Variants in DECR2 observed in about 807,000 individuals in gnomAD.
DECR2 encodes the protein 2,4-dienoyl-CoA reductase 2, also known as peroxisomal 2,4-dienoyl-CoA reductase [(3E)-enoyl-CoA-producing].
In DECR2, 34 loss-of-function variants were observed where a neutral mutation model predicts 29.2. That is an observed-to-expected ratio of 1.16 (90% CI 0.89 to 1.55). DECR2 has a LOEUF of 1.55. Among genes scored for constraint, DECR2 ranks in the 40% most tolerant of loss-of-function variants. DECR2 has a pLI of 0.00. For missense variants in DECR2, 485 were observed against 425.3 expected, an observed-to-expected ratio of 1.14 and a Z score of -1.23; for synonymous variants, 224 against 182.7, an observed-to-expected ratio of 1.23 and a Z score of -1.82.
chr16:404,816 G>A (rs2054705821), intron 1 of DECR2, 140 bp from the exon 2 acceptor site: 1 of 745,242 alleles, frequency 1.3e-6, no homozygotes. Context: ...TTTTAGTAGA[G>A]ACGAGGTTTT....
Position 407,476 on chromosome 16 carries a change from A to G in DECR2, c.253A>G (p.Met85Val), listed in dbSNP as rs1386539947. 2 of 1,613,338 alleles carry G rather than the reference A, an allele frequency of 1.2e-6. No homozygotes were observed. Among genetic ancestry groups the G allele is most frequent in the East Asian group, 2.2e-5 (1 of 44,884 alleles). The change falls in exon 4 of 9, where the codon ATG (methionine) becomes GTG (valine). Residue 85 changes from methionine (M) to valine (V), a missense_variant. Met to Val is a conservative substitution (Grantham distance 21). Transcript: ENST00000219481. ...CGGCCGGCGCTGCCTCCCTCTCTCT[A>G]TGGACGTCCGAGCGCCCCCAGCTGT... ...ATGRRCLPLS[M>V]DVRAPPAVMA...
At position 411,344 on chromosome 16, in the gene DECR2, C is replaced by G. The variant is rs1236574646; in HGVS notation, c.662-17C>G. Reference sequence around the variant, plus strand: ...GTCTTGGGGCTCACGGGGCCTGAGCCTTCTGCTGCCCTCCAGGTGGCCCTC... The same window carrying G: ...GTCTTGGGGCTCACGGGGCCTGAGCGTTCTGCTGCCCTCCAGGTGGCCCTC... On this transcript the variant is annotated splice_polypyrimidine_tract_variant and intron_variant, in intron 7 of 8. Coordinates refer to ENST00000219481, the MANE Select transcript of DECR2 (RefSeq NM_020664.4). 5.0e-6 allele frequency: 8 copies of G among 1,597,738 alleles called. No homozygotes were observed. The African/African-American group carries it at 5.3e-5, about 11-fold the overall frequency.
chr16:405,995 C>T (rs1053721958), intron 2 of DECR2, among the ~76,000 whole-genome samples: 17 of 152,232 alleles, frequency 1.1e-4, no homozygotes, highest in Admixed American at 9.2e-4. Flanking sequence ...CAGAACAGTC[C>T]TCCACGCCAG....
chr16:403,064 GT>G (rs1017178910), intron 1 of DECR2: 3 of 963,498 alleles, frequency 3.1e-6, no homozygotes, highest in Admixed American at 6.2e-5. Context: ...AAAAAAAAAA[GT>G]TTTTTTTCGA....
At chr16:406,712 C>T in intron 3 of DECR2, 1 of 575,640 alleles carries the variant, frequency 1.7e-6, no homozygotes, top group South Asian at 1.9e-5. Context: ...GTTGACCAGG[C>T]TGGTCTCGAA....
At chr16:408,376 CCT>C (rs2054769124) in intron 4 of DECR2, among the ~76,000 whole-genome samples, 1 of 152,050 alleles carries the variant, frequency 6.6e-6, no homozygotes, top group South Asian at 2.1e-4. Context: ...TGTCTCTGGC[CCT>C]CTGTCTCCGG....
At chr16:405,498 T>C in intron 2 of DECR2, 1 of 1,293,226 alleles carries the variant, frequency 7.7e-7, no homozygotes, top group Non-Finnish European at 1.0e-6. Flanking sequence ...TTTCCACTGG[T>C]GGCTTTGTGC....
At chr16:405,072 G>T in intron 2 of DECR2, 48 bp downstream of exon 2, 1 of 1,607,664 alleles carries the variant, frequency 6.2e-7, no homozygotes, top group South Asian at 1.1e-5. Context: ...CTCCCTGCCC[G>T]GGCCCTGCTG....
intron 2 of DECR2, 93 bp downstream of exon 2, chr16:405,117 T>G (rs556580405): frequency 1.4e-6 from 2 of 1,477,638 alleles, no homozygotes; most frequent in East Asian, 4.5e-5. Flanking sequence ...TGGTGGGAGG[T>G]AGATGTCCCC....
At position 410,819 on chromosome 16, in the gene DECR2, G is replaced by A. The variant is rs576664155; in HGVS notation, c.556+35G>A. The A allele has an allele frequency of 3.9e-6, 6 of 1,526,922 alleles. No individual in the cohort carries two copies. Among genetic ancestry groups the A allele is most frequent in the Middle Eastern group, 1.9e-4 (1 of 5,334 alleles). 94.6% of individuals were successfully genotyped at this position (1,526,922 alleles called of 1,614,324 possible). A position where few individuals can be genotyped will look rare whatever the true frequency, so the allele number is the denominator to read the frequency against. On this transcript the variant is annotated intron_variant, in intron 6 of 8. Transcript: ENST00000219481. The surrounding 1 kb of genome is among the most constrained non-coding windows in gnomAD (Gnocchi z 4.1). The stretch of plus-strand genomic sequence containing the variant: ...CCCCCCCCCGCCCAGGTTTGCCCAC[G>A]TGGGTCCCCAATGGGCCGTCTGCTT...
Position 407,503 on chromosome 16 carries a change from A to C in DECR2, c.280A>C (p.Met94Leu), listed in dbSNP as rs1289754470. 2 of 1,613,884 alleles carry C rather than the reference A, an allele frequency of 1.2e-6. No individual in the cohort carries two copies. The highest frequency in any genetic ancestry group is 3.3e-5 in the Admixed American group (2 of 60,002). Residue 94 changes from methionine (M) to leucine (L), a missense_variant, in exon 4 of 9, where the codon ATG becomes CTG. Met to Leu is a conservative substitution (Grantham distance 15). Transcript: ENST00000219481. ...GGACGTCCGAGCGCCCCCAGCTGTC[A>C]TGGCCGCCGTGGACCAGGCTCTGAA... ...SMDVRAPPAVMAAVDQALKEF... is the reference protein window; with the variant it reads ...SMDVRAPPAVLAAVDQALKEF...
intron 4 of DECR2, among the ~76,000 whole-genome samples, chr16:408,834 C>CTTT (rs11418835): frequency 2.1e-5 from 3 of 140,526 alleles, no homozygotes; most frequent in African/African-American, 8.0e-5. Context: ...CCTGGCCTAG[C>CTTT]TTTTTTTTTT....
At chr16:408,612 ATCCTCCTGCCCCAGCC>A (rs1327838301) in intron 4 of DECR2, among the ~76,000 whole-genome samples, 2 of 149,824 alleles carry the variant, frequency 1.3e-5, no homozygotes, top group Non-Finnish European at 3.0e-5. Context: ...GGCTCAAGCC[ATCCTCCTGCCCCAGCC>A]TCCTGAGGAG....
At chr16:402,567 A>T (rs1212769017) in intron 1 of DECR2, among the ~76,000 whole-genome samples, 1 of 151,922 alleles carries the variant, frequency 6.6e-6, no homozygotes, top group African/African-American at 2.4e-5. Context: ...TTCACAAGAG[A>T]AGGCAGCCCG....
At chr16:405,758 C>T (rs1011220921) in intron 2 of DECR2, 1 of 441,180 alleles carries the variant, frequency 2.3e-6, no homozygotes, top group Non-Finnish European at 4.4e-6. Flanking sequence ...CCCAGGGCTT[C>T]TATACCACAG....
At chr16:408,080 C>T (rs1182670461) in intron 4 of DECR2, among the ~76,000 whole-genome samples, 1 of 13,618 alleles carries the variant, frequency 7.3e-5, no homozygotes, top group African/African-American at 2.2e-4. Flanking sequence ...CCCCTGTCTC[C>T]GGGCCCCTGT....
intron 2 of DECR2, 91 bp downstream of exon 2, chr16:405,115 G>A (rs2054709418): frequency 2.0e-6 from 3 of 1,485,552 alleles, no homozygotes; most frequent in Admixed American, 1.7e-5. Flanking sequence ...GTTGGTGGGA[G>A]GTAGATGTCC....
rs771958925 is a variant in DECR2, at chr16:410,800, C to G, written c.556+16C>G. On this transcript the variant is annotated intron_variant, in intron 6 of 8. Coordinates refer to ENST00000219481, the MANE Select transcript of DECR2 (RefSeq NM_020664.4). The surrounding 1 kb of genome is among the most constrained non-coding windows in gnomAD (Gnocchi z 4.1). ...GCCGCTGTGGGTATGACCACCCCCCCCCGCCCAGGTTTGCCCACGTGGGTC... is the reference window on the plus strand; with the variant it reads ...GCCGCTGTGGGTATGACCACCCCCCGCCGCCCAGGTTTGCCCACGTGGGTC... The G allele has an allele frequency of 4.5e-6, 7 of 1,568,576 alleles. No homozygotes were observed. The Admixed American group carries it at 7.5e-5, about 17-fold the overall frequency.
intron 4 of DECR2, 25 bp downstream of exon 4, chr16:407,585 G>C (rs370639716): frequency 2.8e-4 from 450 of 1,612,298 alleles, no homozygotes; most frequent in Admixed American, 4.8e-4. Flanking sequence ...AGTGAGGTTG[G>C]TGGCTTCTCA....
Sources: gnomAD v4.1 joint callset for allele counts (sites outside exome capture counted in the v4.1 genomes callset) on GRCh38, gnomAD v4.1.1 for gene constraint, Gnocchi (gnomAD v3.1) non-coding constraint, MANE v1.5 for transcripts, NCBI Gene and HGNC (gene_info 2026-07-23, HGNC 2026-07-21) for gene names.